The following ABCB1 variants were observed in gnomAD, a reference collection of about 807,000 sequenced individuals.
ABCB1 encodes the protein ATP binding cassette subfamily B member 1, also known as ATP-dependent translocase ABCB1.
ABCB1 carries 69 observed loss-of-function variants against 142.0 expected under a neutral mutation model. That is an observed-to-expected ratio of 0.49 (90% CI 0.40 to 0.59). The LOEUF (loss-of-function observed/expected upper bound fraction) is 0.59, where lower values mean the gene tolerates loss of function less well. Ranked by LOEUF, ABCB1 falls within the 20% of genes least tolerant of loss-of-function variation. ABCB1 has a pLI of 0.00. For synonymous variants in ABCB1, 532 were observed against 539.2 expected (o/e 0.99, Z 0.18); for missense variants, 1,326 against 1,554.7 (o/e 0.85, Z 2.47).
intron 25 of ABCB1, among the ~76,000 whole-genome samples, chr7:87,512,409 C>A (rs900312348): frequency 6.6e-6 from 1 of 152,132 alleles, no homozygotes; most frequent in African/African-American, 2.4e-5. Context: ...AAAGGCCAAA[C>A]CCTAGCCTAC....
intron 1 of ABCB1, among the ~76,000 whole-genome samples, chr7:87,683,868 A>G (rs1827181799): frequency 6.6e-6 from 1 of 152,228 alleles, no homozygotes; most frequent in Non-Finnish European, 1.5e-5. Flanking sequence ...TGCAAAGCAC[A>G]ATAAAGTGAA....
chr7:87,570,756 CT>C lies in ABCB1; in HGVS notation c.287-534del, dbSNP rs1419309761. ...ATAAAAGTATTTCATAACTTTACCCCTAACACACAGACACACACACACACAC... is the reference window on the plus strand; with the variant it reads ...ATAAAAGTATTTCATAACTTTACCCCAACACACAGACACACACACACACAC... On this transcript the variant is annotated intron_variant, in intron 4 of 27. Transcript: ENST00000622132. 4.6e-5 allele frequency among the ~76,000 whole-genome samples: 7 copies of C among 152,098 alleles called. No homozygotes were observed. In the East Asian group the frequency reaches 9.6e-4, roughly 21 times the overall value.
At chr7:87,586,141 CT>C (rs1264553567) in intron 3 of ABCB1, among the ~76,000 whole-genome samples, 1 of 151,998 alleles carries the variant, frequency 6.6e-6, no homozygotes, top group African/African-American at 2.4e-5. Flanking sequence ...AACAATGGAA[CT>C]GGTATAAAGG....
intron 1 of ABCB1, among the ~76,000 whole-genome samples, chr7:87,699,970 A>C: frequency 6.6e-6 from 1 of 152,148 alleles, no homozygotes; most frequent in Non-Finnish European, 1.5e-5. Flanking sequence ...AAGTATCCTT[A>C]TGAAGAGGAG....
intron 1 of ABCB1, among the ~76,000 whole-genome samples, chr7:87,666,677 GA>G (rs970339581): frequency 2.0e-5 from 3 of 152,132 alleles, no homozygotes; most frequent in Non-Finnish European, 4.4e-5. Flanking sequence ...ATAGTGTAAG[GA>G]AGGGGTCCAG....
chr7:87,562,532 A>G (rs28381857), intron 7 of ABCB1, among the ~76,000 whole-genome samples: 19,881 of 152,156 alleles, frequency 0.13, 1,904 homozygotes, highest in African/African-American at 0.27. Flanking sequence ...CACAATGGAG[A>G]CAACCAAAAA....
intron 1 of ABCB1, among the ~76,000 whole-genome samples, chr7:87,703,182 G>A (rs1328755678): frequency 4.6e-5 from 7 of 151,986 alleles, no homozygotes; most frequent in Middle Eastern, 3.2e-3. Flanking sequence ...TGTAATAACC[G>A]AAAGTATAAC....
chr7:87,622,445 A>T (rs1820257514), intron 1 of ABCB1, among the ~76,000 whole-genome samples: 2 of 152,210 alleles, frequency 1.3e-5, no homozygotes, highest in African/African-American at 4.8e-5. Context: ...CAAGAGTGCA[A>T]GAAAACTTAT....
intron 1 of ABCB1, among the ~76,000 whole-genome samples, chr7:87,673,189 T>C (rs75926303): frequency 0.016 from 2,471 of 152,336 alleles, 70 homozygotes; most frequent in African/African-American, 0.056. Context: ...AATGACTATA[T>C]ATGTCTTAGG....
At chr7:87,660,594 A>G (rs1168257928) in intron 1 of ABCB1, among the ~76,000 whole-genome samples, 10 of 151,932 alleles carry the variant, frequency 6.6e-5, no homozygotes, top group Non-Finnish European at 5.9e-5. Flanking sequence ...TAGTCTTTCA[A>G]ATAACTAATT....
intron 20 of ABCB1, among the ~76,000 whole-genome samples, chr7:87,534,167 C>T (rs1007140007): frequency 6.6e-6 from 1 of 152,142 alleles, no homozygotes; most frequent in African/African-American, 2.4e-5. Flanking sequence ...AACTGCAATA[C>T]AGAATGCCCT....
chr7:87,607,488 A>G (rs1403877798), intron 1 of ABCB1, among the ~76,000 whole-genome samples: 1 of 152,182 alleles, frequency 6.6e-6, no homozygotes, highest in African/African-American at 2.4e-5. Context: ...AGCTTATCCA[A>G]ACAAATAAAG....
intron 24 of ABCB1, 59 bp from the exon 25 acceptor site, chr7:87,515,487 A>C: frequency 6.6e-7 from 1 of 1,506,428 alleles, no homozygotes; most frequent in South Asian, 1.1e-5. Context: ...TAAAGTGTAT[A>C]GCTAACTCTC....
intron 5 of ABCB1, among the ~76,000 whole-genome samples, chr7:87,569,332 C>CA (rs56689125): frequency 1.8e-5 from 2 of 111,958 alleles, no homozygotes; most frequent in Non-Finnish European, 3.6e-5. Context: ...CACTCTGTCT[C>CA]AAAAAAAAAA....
rs536618466 is a variant in ABCB1, at chr7:87,709,323, G to A, written c.-331+3838C>T. 129 of 985,102 alleles carry A rather than the reference G, an allele frequency of 1.3e-4. No individual in the cohort carries two copies. The African/African-American group carries it at 1.8e-3, about 14-fold the overall frequency. The allele number at this position is 985,102 out of a possible 1,614,324, so 61.0% of individuals were successfully genotyped here. A position where few individuals can be genotyped will look rare whatever the true frequency, so the allele number is the denominator to read the frequency against. Reference sequence around the variant, plus strand: ...TTGTAGCCTTTTGATTCAAGACACCGCTACTAGTTTCTGTGTCTTTTAGAT... The same window carrying A: ...TTGTAGCCTTTTGATTCAAGACACCACTACTAGTTTCTGTGTCTTTTAGAT... On this transcript the variant is annotated intron_variant, in intron 1 of 28. Transcript: ENST00000265724.
At chr7:87,606,583 T>A (rs999595115) in intron 1 of ABCB1, among the ~76,000 whole-genome samples, 7 of 152,064 alleles carry the variant, frequency 4.6e-5, no homozygotes, top group African/African-American at 1.7e-4. Flanking sequence ...ATATAAAACG[T>A]GCTTACAGAG....
Position 87,536,656 on chromosome 7 carries a change from C to G in ABCB1, c.2398-115G>C. The G allele has an allele frequency of 7.4e-6, 6 of 805,586 alleles. No homozygotes were observed. In the South Asian group the frequency reaches 8.7e-5, roughly 12 times the overall value. The allele number at this position is 805,586 out of a possible 1,614,324, so 49.9% of individuals were successfully genotyped here. On this transcript the variant is annotated intron_variant, in intron 19 of 27. Coordinates refer to ENST00000622132, the MANE Select transcript of ABCB1 (RefSeq NM_001348946.2). ...ACTTATACCCCCTGCATTTAGTACT[C>G]AGGATGTGACATTCAATACACAAGA...
intron 2 of ABCB1, among the ~76,000 whole-genome samples, chr7:87,599,513 C>T (rs1340090008): frequency 2.0e-5 from 3 of 152,140 alleles, no homozygotes; most frequent in Non-Finnish European, 4.4e-5. Context: ...ACTTGAAAAG[C>T]AGAAGTTCAT....
chr7:87,664,327 A>G (rs1272427624), intron 1 of ABCB1, among the ~76,000 whole-genome samples: 1 of 152,090 alleles, frequency 6.6e-6, no homozygotes, highest in African/African-American at 2.4e-5. Flanking sequence ...ACACAGCAAG[A>G]TACCATCTCT....
Sources: allele counts gnomAD v4.1 joint callset (sites outside exome capture counted in the v4.1 genomes callset), GRCh38; gene constraint gnomAD v4.1.1; transcripts MANE v1.5; gene names NCBI Gene and HGNC (gene_info 2026-07-23, HGNC 2026-07-21).